The following GRIN2D variants were observed in gnomAD, a reference collection of about 807,000 sequenced individuals.
GRIN2D encodes the protein glutamate receptor ionotropic, NMDA 2D.
Under a neutral mutation model 103.2 loss-of-function variants are expected in GRIN2D, and 37 were observed. The ratio of observed to expected loss-of-function variants is 0.36; its 90% CI spans 0.28 to 0.47. GRIN2D has a LOEUF of 0.47. Ranked by LOEUF, GRIN2D falls within the 20% of genes least tolerant of loss-of-function variation. The pLI is 1.00. For missense variants in GRIN2D, 1,557 were observed against 1,910.6 expected (o/e 0.81, Z 3.45); for synonymous variants, 845 against 885.6 (o/e 0.95, Z 0.81).
At chr19:48,440,105 G>A (rs557798785) in intron 11 of GRIN2D, among the ~76,000 whole-genome samples, 1 of 152,132 alleles carries the variant, frequency 6.6e-6, no homozygotes, top group Non-Finnish European at 1.5e-5. Flanking sequence ...CAGCTACTTG[G>A]GTGGCTGAGG....
intron 8 of GRIN2D, among the ~76,000 whole-genome samples, chr19:48,417,204 C>T (rs1303281750): frequency 6.6e-6 from 1 of 152,128 alleles, no homozygotes; most frequent in East Asian, 1.9e-4. Context: ...GGCACCACCG[C>T]ACTCCAGCCT....
At chr19:48,416,742 TC>T (rs780285163) in intron 8 of GRIN2D, among the ~76,000 whole-genome samples, 23 of 116,134 alleles carry the variant, frequency 2.0e-4, no homozygotes, top group Admixed American at 4.9e-4. Flanking sequence ...TCTCTCTCTC[TC>T]TCTTTTTTTT....
intron 11 of GRIN2D, among the ~76,000 whole-genome samples, chr19:48,433,570 C>T (rs539414368): frequency 3.0e-4 from 45 of 152,222 alleles, no homozygotes; most frequent in African/African-American, 1.1e-3. Flanking sequence ...AGTAACCCCA[C>T]AGGGGGAGAA....
rs1970914310 is a variant in GRIN2D at position 48,414,275 on chromosome 19, C to T, written c.1201-98C>T. ...GGCTCCTGGGTCTTGGAAGAAGCTG[C>T]TGCCCACACACCTAGGTCTGAGGGA... On this transcript the variant is annotated intron_variant, in intron 5 of 13. Transcript: ENST00000263269. This position sits in a 1 kb window ranked among gnomAD's most constrained non-coding sequence, Gnocchi z 4.6. 9.2e-7 allele frequency: 1 copy of T among 1,088,626 alleles called. No homozygotes were observed. The highest frequency in any genetic ancestry group is 1.3e-6 in the Non-Finnish European group (1 of 742,494). The allele number at this position is 1,088,626 out of a possible 1,614,324, so 67.4% of individuals were successfully genotyped here. A position where few individuals can be genotyped will look rare whatever the true frequency, so the allele number is the denominator to read the frequency against.
At chr19:48,428,405 G>A (rs1014712906) in intron 11 of GRIN2D, among the ~76,000 whole-genome samples, 4 of 134,918 alleles carry the variant, frequency 3.0e-5, no homozygotes, top group African/African-American at 1.1e-4. Context: ...TTGTTGCCCC[G>A]GCTGGAGTGC....
At chr19:48,428,041 GTTCTTTTT>G (rs1382489741) in intron 11 of GRIN2D, among the ~76,000 whole-genome samples, 2 of 140,672 alleles carry the variant, frequency 1.4e-5, no homozygotes, top group Non-Finnish European at 3.1e-5. Flanking sequence ...CTGTGGCCAA[GTTCTTTTT>G]TTTTTTTTTT....
rs1274457454 is a variant in GRIN2D at position 48,443,112 on chromosome 19, G to A, written c.3186G>A (p.Pro1062=). The change falls in exon 14 of 14, where the codon CCG becomes CCA. Residue 1062 remains proline, a synonymous_variant. Transcript: ENST00000263269. This position sits in a 1 kb window ranked among gnomAD's most constrained non-coding sequence, Gnocchi z 8.9. ...DESPPAPARW[P]RSDPESQPLL... ...GCCCGCCGGCGCCCGCGCGGTGGCC[G>A]CGCTCGGACCCCGAGAGCCAACCCC... is the stretch of plus-strand genomic sequence containing the variant. 2 of 1,018,360 alleles carry A rather than the reference G, an allele frequency of 2.0e-6. No homozygotes were observed. Among genetic ancestry groups the A allele is most frequent in the African/African-American group, 1.8e-5 (1 of 57,076 alleles). The allele number at this position is 1,018,360 out of a possible 1,614,324, so 63.1% of individuals were successfully genotyped here. A position where few individuals can be genotyped will look rare whatever the true frequency, so the allele number is the denominator to read the frequency against.
chr19:48,414,318 A>C lies in GRIN2D; in HGVS notation c.1201-55A>C. 1 of 1,411,364 alleles carries C rather than the reference A, an allele frequency of 7.1e-7. No individual in the cohort carries two copies. The highest frequency in any genetic ancestry group is 9.7e-7 in the Non-Finnish European group (1 of 1,025,892). 87.4% of individuals were successfully genotyped at this position (1,411,364 alleles called of 1,614,324 possible). The stretch of plus-strand genomic sequence containing the variant: ...CTGAGGGAAGAGGATCATGGAGGCC[A>C]GGATACACCGGGAAGTCTTCCCAGG... On this transcript the variant is annotated intron_variant, in intron 5 of 13. Transcript: ENST00000263269. The surrounding 1 kb of genome is among the most constrained non-coding windows in gnomAD (Gnocchi z 4.6).
In GRIN2D at chr19:48,414,310, T is replaced by C. The variant is rs756487325; in HGVS notation, c.1201-63T>C. 82 of 1,358,554 alleles carry C rather than the reference T, an allele frequency of 6.0e-5. No individual in the cohort carries two copies. The highest frequency in any genetic ancestry group is 7.9e-5 in the Non-Finnish European group (77 of 980,104). 84.2% of individuals were successfully genotyped at this position (1,358,554 alleles called of 1,614,324 possible). ...ACCTAGGTCTGAGGGAAGAGGATCA[T>C]GGAGGCCAGGATACACCGGGAAGTC... On this transcript the variant is annotated intron_variant, in intron 5 of 13. Transcript: ENST00000263269. This position sits in a 1 kb window ranked among gnomAD's most constrained non-coding sequence, Gnocchi z 4.6.
intron 4 of GRIN2D, among the ~76,000 whole-genome samples, chr19:48,407,912 G>A (rs1264144841): frequency 2.0e-5 from 3 of 152,198 alleles, no homozygotes; most frequent in East Asian, 3.8e-4. Flanking sequence ...TGGATAGGCC[G>A]GGCTGTGGCT....
intron 2 of GRIN2D, among the ~76,000 whole-genome samples, chr19:48,395,949 A>G (rs923253782): frequency 1.3e-5 from 2 of 151,172 alleles, no homozygotes; most frequent in African/African-American, 4.9e-5. Context: ...GTCCTGGGAA[A>G]GAACAGGACC....
At chr19:48,412,481 G>GAAAGAA (rs975133990) in intron 4 of GRIN2D, among the ~76,000 whole-genome samples, 2 of 146,724 alleles carry the variant, frequency 1.4e-5, no homozygotes, top group Non-Finnish European at 3.0e-5. Context: ...AAGAAAGAAA[G>GAAAGAA]AGAGAGAAAG....
At chr19:48,441,519 C>T (rs1971291426) in intron 11 of GRIN2D, among the ~76,000 whole-genome samples, 1 of 152,158 alleles carries the variant, frequency 6.6e-6, no homozygotes, top group Non-Finnish European at 1.5e-5. Context: ...TCTGGTCCAG[C>T]CTGGACAACA....
At chr19:48,436,040 C>T (rs912791607) in intron 11 of GRIN2D, among the ~76,000 whole-genome samples, 3 of 152,164 alleles carry the variant, frequency 2.0e-5, no homozygotes, top group Non-Finnish European at 4.4e-5. Context: ...AAACACCTGA[C>T]GGAGGTTGTA....
intron 3 of GRIN2D, among the ~76,000 whole-genome samples, chr19:48,404,057 T>G (rs529342717): frequency 2.0e-5 from 3 of 152,206 alleles, no homozygotes; most frequent in African/African-American, 7.2e-5. Flanking sequence ...CTGGCCAACA[T>G]GGAGAAAACC....
At chr19:48,395,199 C>T (rs910356693) in intron 2 of GRIN2D, among the ~76,000 whole-genome samples, 1 of 151,884 alleles carries the variant, frequency 6.6e-6, no homozygotes, top group Non-Finnish European at 1.5e-5. Flanking sequence ...TCTCCCCATC[C>T]CCACATACCT....
At chr19:48,419,483 G>C in intron 9 of GRIN2D, 102 bp from the exon 10 acceptor site, 2 of 1,361,050 alleles carry the variant, frequency 1.5e-6, no homozygotes, top group Admixed American at 2.1e-5. Flanking sequence ...GGTGCCAGAT[G>C]CCTTGAGGGC....
At chr19:48,397,621 C>T (rs1970658866) in intron 2 of GRIN2D, among the ~76,000 whole-genome samples, 1 of 151,990 alleles carries the variant, frequency 6.6e-6, no homozygotes, top group Non-Finnish European at 1.5e-5. Flanking sequence ...TCTCTCCCGC[C>T]TTCCTGCATC....
rs999035598 is a variant in GRIN2D at position 48,404,832 on chromosome 19, A to G, written c.564A>G (p.Val188=). 11 of 1,614,122 alleles carry G rather than the reference A, an allele frequency of 6.8e-6. No homozygotes were observed. The highest frequency in any genetic ancestry group is 9.3e-6 in the Non-Finnish European group (11 of 1,180,022). ...VLEEYDWTSF[V]AVTTRAPGHR... The stretch of plus-strand genomic sequence containing the variant: ...AGGAGTATGACTGGACGTCCTTTGT[A>G]GCCGTGACCACTCGTGCCCCTGGCC... Residue 188 remains valine (V), a synonymous_variant, in exon 4 of 14, where the codon GTA becomes GTG. Coordinates refer to ENST00000263269, the MANE Select transcript of GRIN2D (RefSeq NM_000836.4).
Sources: allele counts gnomAD v4.1 joint callset (sites outside exome capture counted in the v4.1 genomes callset), GRCh38; gene constraint gnomAD v4.1.1; non-coding constraint Gnocchi (gnomAD v3.1); transcripts MANE v1.5; gene names NCBI Gene and HGNC (gene_info 2026-07-23, HGNC 2026-07-21).